CSMD3: variants seen among roughly 807,000 people sequenced by gnomAD.
The protein encoded by CSMD3 is CUB and sushi domain-containing protein 3.
A neutral mutation model predicts 435.2 loss-of-function variants in CSMD3; 177 were observed. The ratio of observed to expected loss-of-function variants is 0.41; its 90% CI spans 0.36 to 0.46. The LOEUF (loss-of-function observed/expected upper bound fraction) is 0.46. CSMD3 is among the 20% of genes least tolerant of loss of function. CSMD3 has a pLI of 0.34. For missense variants in CSMD3, 4,265 were observed against 4,504.6 expected, an observed-to-expected ratio of 0.95 and a Z score of 1.52; for synonymous variants, 1,656 against 1,520.5, an observed-to-expected ratio of 1.09 and a Z score of -2.07.
intron 1 of CSMD3, among the ~76,000 whole-genome samples, chr8:113,326,979 A>C (rs535106214): frequency 7.2e-4 from 109 of 152,324 alleles, no homozygotes; most frequent in African/African-American, 2.4e-3. Flanking sequence ...GTTGTACCTA[A>C]GTTTGAAAGT....
At chr8:112,637,644 T>C (rs1304656362) in intron 21 of CSMD3, among the ~76,000 whole-genome samples, 1 of 152,084 alleles carries the variant, frequency 6.6e-6, no homozygotes, top group Non-Finnish European at 1.5e-5. Flanking sequence ...GTAGAGTTGA[T>C]TAAACATTAT....
At chr8:113,423,536 T>C (rs2094619652) in intron 1 of CSMD3, among the ~76,000 whole-genome samples, 1 of 151,974 alleles carries the variant, frequency 6.6e-6, no homozygotes. Flanking sequence ...CACAGAGATA[T>C]ATTGTTTATG....
intron 12 of CSMD3, among the ~76,000 whole-genome samples, chr8:112,825,649 C>A (rs546820292): frequency 6.6e-6 from 1 of 152,256 alleles, no homozygotes; most frequent in African/African-American, 2.4e-5. Context: ...CTGGTTCACT[C>A]CGGCACCTGG....
At chr8:112,544,926 T>C (rs1447596768) in intron 27 of CSMD3, among the ~76,000 whole-genome samples, 7 of 152,208 alleles carry the variant, frequency 4.6e-5, no homozygotes, top group Admixed American at 4.6e-4. Flanking sequence ...CATATTTCAA[T>C]GATAAAGTAA....
rs1284015159 is a variant in CSMD3, at chr8:112,685,736, G to A, written c.2156-4C>T. ...GTAAAGTTAGACAGGCAGGGAACTG[G>A]TGAAACAGGAAGATTATGAAATACA... On this transcript the variant is annotated splice_region_variant and splice_polypyrimidine_tract_variant and intron_variant, in intron 14 of 70. Transcript: ENST00000297405. The A allele has an allele frequency of 9.0e-6, 14 of 1,560,720 alleles. No homozygotes were observed. The highest frequency in any genetic ancestry group is 1.2e-5 in the Non-Finnish European group (14 of 1,132,148).
At chr8:112,879,703 G>T (rs2081394322) in intron 10 of CSMD3, among the ~76,000 whole-genome samples, 1 of 151,844 alleles carries the variant, frequency 6.6e-6, no homozygotes, top group Non-Finnish European at 1.5e-5. Context: ...TCTCAGACCA[G>T]CTGACACTTA....
chr8:112,420,094 A>T (rs530536793), intron 32 of CSMD3, among the ~76,000 whole-genome samples: 10 of 152,272 alleles, frequency 6.6e-5, no homozygotes, highest in African/African-American at 2.2e-4. Flanking sequence ...GGTCAGAAAG[A>T]TTAAAGCCAG....
chr8:112,837,529 G>A (rs1185725432), intron 11 of CSMD3, among the ~76,000 whole-genome samples: 1 of 151,580 alleles, frequency 6.6e-6, no homozygotes, highest in Non-Finnish European at 1.5e-5. Flanking sequence ...ATTTTTTAAG[G>A]TTGAAATATG....
At chr8:112,665,033 C>T (rs899076950) in intron 17 of CSMD3, among the ~76,000 whole-genome samples, 14 of 152,100 alleles carry the variant, frequency 9.2e-5, no homozygotes, top group Non-Finnish European at 8.8e-5. Context: ...TTTGAATTCC[C>T]GCATAAGAAA....
In CSMD3 at chr8:112,926,238, A is replaced by ATGTG. The variant is rs1554720557; in HGVS notation, c.1509-4488_1509-4487insCACA. ...CTTAAGAAAAACTTACACTCATTAA[A>ATGTG]TATGTGTGTGTGTGTGTGTGAGCGT... On this transcript the variant is annotated intron_variant, in intron 9 of 70. Transcript: ENST00000297405. Among the ~76,000 whole-genome samples the ATGTG allele has an allele frequency of 1.0e-4, 6 of 58,984 alleles. No individual in the cohort carries two copies. In the East Asian group the frequency reaches 3.2e-3, roughly 32 times the overall value. 38.7% of individuals were successfully genotyped at this position (58,984 alleles called of 152,430 possible).
chr8:113,079,503 A>G (rs6999348), intron 5 of CSMD3, among the ~76,000 whole-genome samples: 73,584 of 151,800 alleles, frequency 0.48, 20,642 homozygotes, highest in East Asian at 0.88. Flanking sequence ...GCTGCTATCA[A>G]AATTTAACAA....
intron 5 of CSMD3, among the ~76,000 whole-genome samples, chr8:113,021,225 T>C (rs534186445): frequency 4.6e-5 from 7 of 152,296 alleles, no homozygotes; most frequent in African/African-American, 1.7e-4. Flanking sequence ...CAAAAATATA[T>C]AATATAATTG....
intron 1 of CSMD3, among the ~76,000 whole-genome samples, chr8:113,401,564 T>A (rs1220636301): frequency 6.6e-6 from 1 of 151,716 alleles, no homozygotes; most frequent in Non-Finnish European, 1.5e-5. Context: ...GCCAACTTTT[T>A]TATAGTTTCT....
intron 1 of CSMD3, among the ~76,000 whole-genome samples, chr8:113,427,203 C>G (rs778456622): frequency 3.3e-5 from 5 of 151,188 alleles, no homozygotes; most frequent in African/African-American, 7.3e-5. Context: ...TTATCATATA[C>G]ACAAGAAAAT....
In CSMD3 at chr8:112,963,340, T is replaced by G. The variant is rs2084302320; in HGVS notation, c.1343-8579A>C. On this transcript the variant is annotated intron_variant, in intron 7 of 70. Coordinates refer to ENST00000297405, the MANE Select transcript of CSMD3 (RefSeq NM_198123.2). ...GGAAATAATCCTTTGTAAGTAAAACTTCCTCAAATTAGGCAACATTCTATT... is the reference window on the plus strand; with the variant it reads ...GGAAATAATCCTTTGTAAGTAAAACGTCCTCAAATTAGGCAACATTCTATT... 2.0e-5 allele frequency among the ~76,000 whole-genome samples: 3 copies of G among 151,944 alleles called. No individual in the cohort carries two copies. The South Asian group carries it at 6.2e-4, about 31-fold the overall frequency.
chr8:113,173,587 G>T (rs2092302994), intron 4 of CSMD3, 135 bp downstream of exon 4: 3 of 742,052 alleles, frequency 4.0e-6, no homozygotes, highest in African/African-American at 1.7e-5. Flanking sequence ...CTCCCAAAGT[G>T]CTGGGATTAC....
chr8:112,522,293 T>C (rs186962540), intron 27 of CSMD3, among the ~76,000 whole-genome samples: 335 of 152,012 alleles, frequency 2.2e-3, no homozygotes, highest in South Asian at 3.3e-3. Flanking sequence ...TTTCAAGATA[T>C]GTTGTTTTAT....
chr8:113,009,130 GC>G (rs745523469), intron 6 of CSMD3, among the ~76,000 whole-genome samples: 1 of 151,392 alleles, frequency 6.6e-6, no homozygotes, highest in South Asian at 2.1e-4. Flanking sequence ...ATCCTTTTTG[GC>G]TGGTGCTCTG....
intron 13 of CSMD3, among the ~76,000 whole-genome samples, chr8:112,734,388 T>TA (rs1243250522): frequency 3.3e-5 from 5 of 152,006 alleles, no homozygotes; most frequent in Admixed American, 3.3e-4. Flanking sequence ...TAAACACTAG[T>TA]AAATTGGCAA....
Sources: gnomAD v4.1 joint callset for allele counts (sites outside exome capture counted in the v4.1 genomes callset) on GRCh38, gnomAD v4.1.1 for gene constraint, MANE v1.5 for transcripts, NCBI Gene and HGNC (gene_info 2026-07-23, HGNC 2026-07-21) for gene names.